The following PKD1L1 variants were observed in gnomAD, a reference collection of about 807,000 sequenced individuals.
PKD1L1 encodes the protein polycystin 1 like 1, transient receptor potential channel interacting.
In PKD1L1, 236 loss-of-function variants were observed where a neutral mutation model predicts 323.4. That is an observed-to-expected ratio of 0.73 (90% CI 0.66 to 0.81). The LOEUF is 0.81. PKD1L1 is among the 40% of genes least tolerant of loss of function. The pLI, the probability that PKD1L1 is intolerant of heterozygous loss-of-function variation, is 0.00. For missense variants in PKD1L1, 3,320 were observed against 3,508.0 expected (o/e 0.95, Z 1.35); for synonymous variants, 1,344 against 1,335.0 (o/e 1.01, Z -0.15).
rs149586291 is a variant in PKD1L1, at chr7:47,854,899, G to A, written c.4842C>T (p.Pro1614=). ...CAACACACCTTACTAGCAACATGAC[G>A]GGAAATGCCCTTGTAACAGGTTTGG... ...EFSKPVTRAF[P]VMLLVRFSEK... The change falls in exon 30 of 57, where the codon CCC becomes CCT. Residue 1614 remains proline, a synonymous_variant. Transcript: ENST00000289672. 1.5e-4 allele frequency: 246 copies of A among 1,613,904 alleles called. No homozygotes were observed. Among genetic ancestry groups the A allele is most frequent in the Non-Finnish European group, 1.9e-4 (230 of 1,180,006 alleles).
At chr7:47,904,985 G>A (rs1257221754) in intron 11 of PKD1L1, among the ~76,000 whole-genome samples, 172 bp downstream of exon 11, 1 of 152,124 alleles carries the variant, frequency 6.6e-6, no homozygotes, top group Non-Finnish European at 1.5e-5. Context: ...AGAAATGAAC[G>A]AAATCTTCCC....
intron 56 of PKD1L1, among the ~76,000 whole-genome samples, chr7:47,790,472 A>T (rs2128723156): frequency 6.6e-6 from 1 of 151,664 alleles, no homozygotes; most frequent in South Asian, 2.1e-4. Flanking sequence ...CTGGGACTAC[A>T]GGCGCCCGCC....
chr7:47,923,669 AT>A (rs1787601776), intron 7 of PKD1L1, among the ~76,000 whole-genome samples: 1 of 151,772 alleles, frequency 6.6e-6, no homozygotes, highest in African/African-American at 2.4e-5. Flanking sequence ...AAATAAATAA[AT>A]AATAAAAATA....
chr7:47,960,003 C>G, the PKD1L1 span, among the ~76,000 whole-genome samples: 1 of 146,976 alleles, frequency 6.8e-6, no homozygotes, highest in Non-Finnish European at 1.5e-5. Flanking sequence ...ACACGGGAGA[C>G]TTTTCATTTT....
intron 24 of PKD1L1, among the ~76,000 whole-genome samples, chr7:47,873,676 G>GAAAAAAA (rs1562967528): frequency 1.5e-5 from 2 of 131,910 alleles, no homozygotes; most frequent in Non-Finnish European, 1.6e-5. Flanking sequence ...AAAAAAGAAG[G>GAAAAAAA]AGAAGAAAGT....
intron 4 of PKD1L1, among the ~76,000 whole-genome samples, chr7:47,936,087 T>A (rs1787862014): frequency 6.6e-6 from 1 of 152,220 alleles, no homozygotes; most frequent in South Asian, 2.1e-4. Context: ...CAGGGTGACA[T>A]TAGAGAAGGC....
rs201073686 is a variant in PKD1L1, at chr7:47,835,069, C to T, written c.6055-30G>A. 1.5e-4 allele frequency: 245 copies of T among 1,612,078 alleles called. No homozygotes were observed. In the African/African-American group the frequency reaches 2.6e-3, roughly 17 times the overall value. On this transcript the variant is annotated intron_variant, in intron 38 of 56. Transcript: ENST00000289672. The stretch of plus-strand genomic sequence containing the variant: ...AGAAGGAAAGAGGTGGTTCGCCAAG[C>T]GTGTTCCCCAGCAATGAAGGGGCTG...
chr7:47,874,906 G>A (rs961765532), intron 23 of PKD1L1, among the ~76,000 whole-genome samples: 6 of 152,200 alleles, frequency 3.9e-5, no homozygotes, highest in Non-Finnish European at 7.3e-5. Flanking sequence ...TGGCTGTACT[G>A]ATAGTGACAA....
Position 47,775,096 on chromosome 7 carries a change from G to A in PKD1L1, c.*47C>T, listed in dbSNP as rs1159719143. 1.9e-6 allele frequency: 3 copies of A among 1,601,504 alleles called. No homozygotes were observed. The highest frequency in any genetic ancestry group is 1.7e-6 in the Non-Finnish European group (2 of 1,173,798). On this transcript the variant is annotated 3_prime_UTR_variant, in exon 57 of 57. Transcript: ENST00000289672. ...TCTGCTAAAATTGGCTGTTGGGTGG[G>A]TTAAGCAAAACAGGGTCCATAGTGC...
intron 53 of PKD1L1, among the ~76,000 whole-genome samples, chr7:47,802,104 T>C (rs1046317489): frequency 1.4e-5 from 2 of 148,014 alleles, no homozygotes; most frequent in Non-Finnish European, 1.5e-5. Context: ...GGCAGAAGAA[T>C]GGCATGAACC....
rs777154092 is a variant in PKD1L1 at position 47,836,920 on chromosome 7, C to A, written c.5943+1G>T. ...CTATAAGGAAAAGCGATGGCTCTCACCTGCTCTTGCCCTCCAGCAGCAACC... is the reference window on the plus strand; with the variant it reads ...CTATAAGGAAAAGCGATGGCTCTCAACTGCTCTTGCCCTCCAGCAGCAACC... On this transcript the variant is annotated splice_donor_variant, in intron 37 of 56. Transcript: ENST00000289672. LOFTEE classifies it high-confidence loss of function. 3 of 1,613,316 alleles carry A rather than the reference C, an allele frequency of 1.9e-6. No homozygotes were observed. In the South Asian group the frequency reaches 3.3e-5, roughly 18 times the overall value.
At chr7:47,922,775 C>G (rs1335067743) in intron 7 of PKD1L1, among the ~76,000 whole-genome samples, 1 of 151,920 alleles carries the variant, frequency 6.6e-6, no homozygotes, top group Non-Finnish European at 1.5e-5. Context: ...CCACCCCGGC[C>G]AGCCGCCCCA....
At chr7:47,902,887 G>A (rs1428492418) in intron 12 of PKD1L1, among the ~76,000 whole-genome samples, 1 of 152,176 alleles carries the variant, frequency 6.6e-6, no homozygotes, top group African/African-American at 2.4e-5. Context: ...TCTGTGTGAT[G>A]GGTACCCCAA....
At position 47,890,637 on chromosome 7, in the gene PKD1L1, A is replaced by AGTTCC. The variant is rs754279334; in HGVS notation, c.2579_2580insGGAAC (p.Tyr860Ter). The AGTTCC allele has an allele frequency of 4.3e-6, 7 of 1,614,184 alleles. No individual in the cohort carries two copies. The East Asian group carries it at 1.6e-4, about 36-fold the overall frequency. ...CCCTCAGCATCACAAGGAACTGATC[A>AGTTCC]TAGCTGTCACTGAGCCATTGTGCCT... On this transcript the variant is annotated stop_gained and frameshift_variant, in exon 16 of 57. Transcript: ENST00000289672. LOFTEE classifies it high-confidence loss of function.
chr7:47,793,162 A>G (rs187616729), intron 55 of PKD1L1, among the ~76,000 whole-genome samples: 1 of 152,296 alleles, frequency 6.6e-6, no homozygotes, highest in Admixed American at 6.5e-5. Context: ...TATTAAAAAA[A>G]TAAGGCAATA....
At position 47,923,469 on chromosome 7, in the gene PKD1L1, C is replaced by CA. The variant is rs1787597182; in HGVS notation, c.1060+5734dup. Among the ~76,000 whole-genome samples, 3 of 151,688 alleles carry CA rather than the reference C, an allele frequency of 2.0e-5. No individual in the cohort carries two copies. The South Asian group carries it at 6.2e-4, about 31-fold the overall frequency. On this transcript the variant is annotated intron_variant, in intron 7 of 56. Transcript: ENST00000289672. Reference sequence around the variant, plus strand: ...TCAGGTGATGGTTGCACCAAAATCTCAGAGATCACCACTGAAGAACTTACT... The same window carrying CA: ...TCAGGTGATGGTTGCACCAAAATCTCAAGAGATCACCACTGAAGAACTTACT...
chr7:47,935,483 G>A (rs1490803284), intron 4 of PKD1L1, among the ~76,000 whole-genome samples: 1 of 152,232 alleles, frequency 6.6e-6, no homozygotes, highest in Admixed American at 6.5e-5. Context: ...ACGCATCCAA[G>A]TGTCTGGGTC....
intron 26 of PKD1L1, among the ~76,000 whole-genome samples, chr7:47,859,667 C>T (rs1216121406): frequency 6.7e-6 from 1 of 149,880 alleles, no homozygotes; most frequent in Non-Finnish European, 1.5e-5. Flanking sequence ...GACTCTATCG[C>T]CCAGGCTGGA....
At chr7:47,923,874 A>G (rs1398891311) in intron 7 of PKD1L1, among the ~76,000 whole-genome samples, 5 of 152,156 alleles carry the variant, frequency 3.3e-5, no homozygotes, top group African/African-American at 1.2e-4. Context: ...TTGGAGTTCT[A>G]AAGAAGCAAA....
Sources: allele counts gnomAD v4.1 joint callset (sites outside exome capture counted in the v4.1 genomes callset), GRCh38; gene constraint gnomAD v4.1.1; transcripts MANE v1.5; gene names NCBI Gene and HGNC (gene_info 2026-07-23, HGNC 2026-07-21).